The following DUSP16 variants were observed in gnomAD, a reference collection of about 807,000 sequenced individuals.
DUSP16 encodes the protein dual specificity phosphatase 16.
In DUSP16, 21 loss-of-function variants were observed where a neutral mutation model predicts 58.3. That is an observed-to-expected ratio of 0.36 (90% CI 0.26 to 0.52). The LOEUF (loss-of-function observed/expected upper bound fraction) is 0.52, where lower values mean the gene tolerates loss of function less well. Ranked by LOEUF, DUSP16 falls within the 20% of genes least tolerant of loss-of-function variation. DUSP16 has a pLI of 0.94. For synonymous variants in DUSP16, 320 were observed against 323.8 expected (o/e 0.99, Z 0.12); for missense variants, 726 against 819.0 (o/e 0.89, Z 1.39).
chr12:12,480,168 TTATG>T, intron 6 of DUSP16, 51 bp downstream of exon 6: 1 of 1,595,634 alleles, frequency 6.3e-7, no homozygotes. Context: ...TCATCATTCT[TTATG>T]TTTCAGGTCA....
chr12:12,507,118 TTTCTC>T (rs1357339042), intron 3 of DUSP16, among the ~76,000 whole-genome samples: 1 of 152,244 alleles, frequency 6.6e-6, no homozygotes, highest in Non-Finnish European at 1.5e-5. Context: ...TAGTCACTCT[TTTCTC>T]TTCCCTCTCA....
chr12:12,478,086 A>C (rs987150039), intron 6 of DUSP16, 71 bp from the exon 7 acceptor site: 8 of 1,284,468 alleles, frequency 6.2e-6, no homozygotes, highest in Non-Finnish European at 8.7e-6. Context: ...TTAAGTGAAT[A>C]AATGAGATAG....
At chr12:12,489,347 T>C (rs1943729572) in intron 4 of DUSP16, among the ~76,000 whole-genome samples, 1 of 152,206 alleles carries the variant, frequency 6.6e-6, no homozygotes, top group Admixed American at 6.5e-5. Flanking sequence ...ACATTTGTTT[T>C]TCTATGTGTG....
chr12:12,489,378 A>G lies in DUSP16; in HGVS notation c.532-2191T>C, dbSNP rs75570905. On this transcript the variant is annotated intron_variant, in intron 4 of 6. Transcript: ENST00000298573. The stretch of plus-strand genomic sequence containing the variant: ...GTGTGAACCCAAGGTGAGTTTATCT[A>G]GTACTATCTGATCAACAACAGGGTG... 1.1e-3 allele frequency among the ~76,000 whole-genome samples: 167 copies of G among 152,340 alleles called. 1 individual carries two copies. The highest frequency in any genetic ancestry group is 3.7e-3 in the African/African-American group (154 of 41,574).
intron 4 of DUSP16, among the ~76,000 whole-genome samples, chr12:12,495,837 C>G (rs1002860490): frequency 3.3e-5 from 5 of 152,220 alleles, no homozygotes; most frequent in Non-Finnish European, 5.9e-5. Flanking sequence ...TCAAGCCTTC[C>G]TCAAACGACA....
At chr12:12,507,655 G>T (rs1758639548) in intron 3 of DUSP16, among the ~76,000 whole-genome samples, 1 of 152,196 alleles carries the variant, frequency 6.6e-6, no homozygotes, top group South Asian at 2.1e-4. Flanking sequence ...TGTTGCCCAG[G>T]CTGGAGTGCA....
At chr12:12,498,613 C>T (rs1315309501) in intron 4 of DUSP16, among the ~76,000 whole-genome samples, 2 of 152,044 alleles carry the variant, frequency 1.3e-5, no homozygotes, top group East Asian at 1.9e-4. Context: ...CGGGGTTTTG[C>T]CACGTTGTCC....
intron 3 of DUSP16, among the ~76,000 whole-genome samples, chr12:12,518,404 T>C (rs781622283): frequency 3.3e-5 from 5 of 151,844 alleles, no homozygotes; most frequent in African/African-American, 4.8e-5. Flanking sequence ...TCCCAGCTAC[T>C]TGGGAGGCTG....
chr12:12,554,568 T>C (rs1419710438), intron 1 of DUSP16: 1 of 152,210 alleles, frequency 6.6e-6, no homozygotes, highest in Non-Finnish European at 1.5e-5. Context: ...TTCAAAAATT[T>C]ATCAATACTC....
chr12:12,555,180 A>T (rs1944789349), intron 1 of DUSP16, among the ~76,000 whole-genome samples: 2 of 152,232 alleles, frequency 1.3e-5, no homozygotes, highest in Non-Finnish European at 2.9e-5. Context: ...GTGACTGGAA[A>T]CAACCACCCA....
chr12:12,483,732 C>T (rs1465215291), intron 5 of DUSP16, among the ~76,000 whole-genome samples: 2 of 152,184 alleles, frequency 1.3e-5, no homozygotes. Context: ...ATGAGTATCC[C>T]ATAGCACAAA....
chr12:12,532,556 A>G (rs751973042), intron 1 of DUSP16, among the ~76,000 whole-genome samples: 1 of 152,216 alleles, frequency 6.6e-6, no homozygotes, highest in Non-Finnish European at 1.5e-5. Flanking sequence ...AAATATTAAT[A>G]TAAGGTCATG....
intron 3 of DUSP16, among the ~76,000 whole-genome samples, chr12:12,507,599 G>A (rs950181633): frequency 1.3e-5 from 2 of 149,630 alleles, no homozygotes; most frequent in African/African-American, 4.8e-5. Context: ...GAACTATGCG[G>A]TTAAATTCTT....
At chr12:12,548,410 C>T (rs1421463491) in intron 1 of DUSP16, among the ~76,000 whole-genome samples, 1 of 151,854 alleles carries the variant, frequency 6.6e-6, no homozygotes, top group African/African-American at 2.4e-5. Flanking sequence ...CCGAGGCAGG[C>T]GGCCTGAGGT....
intron 6 of DUSP16, 62 bp from the exon 7 acceptor site, chr12:12,478,077 T>A: frequency 7.5e-7 from 1 of 1,326,052 alleles, no homozygotes; most frequent in Non-Finnish European, 1.0e-6. Context: ...TTAAGAATAT[T>A]AAGTGAATAA....
intron 1 of DUSP16, among the ~76,000 whole-genome samples, chr12:12,528,041 A>G (rs1274975262): frequency 1.3e-5 from 2 of 152,220 alleles, no homozygotes; most frequent in Admixed American, 6.5e-5. Flanking sequence ...CAGGGCAAGG[A>G]GCACTCCCCT....
chr12:12,486,311 C>T (rs911215511), intron 5 of DUSP16, among the ~76,000 whole-genome samples: 9 of 152,142 alleles, frequency 5.9e-5, no homozygotes, highest in African/African-American at 1.2e-4. Flanking sequence ...TCCAAATACA[C>T]ATCACCAAGT....
intron 1 of DUSP16, among the ~76,000 whole-genome samples, chr12:12,532,115 G>A (rs1029779045): frequency 4.6e-5 from 7 of 152,146 alleles, no homozygotes; most frequent in Non-Finnish European, 7.4e-5. Flanking sequence ...CCGAGATTGC[G>A]CCACTGCAGT....
chr12:12,498,418 A>ATTTATTTC (rs1272954876), intron 4 of DUSP16, among the ~76,000 whole-genome samples: 3 of 150,612 alleles, frequency 2.0e-5, no homozygotes, highest in Non-Finnish European at 4.4e-5. Context: ...TTATTTATTT[A>ATTTATTTC]TTTATTTATT....
Sources: gnomAD v4.1 joint callset for allele counts (sites outside exome capture counted in the v4.1 genomes callset) on GRCh38, gnomAD v4.1.1 for gene constraint, MANE v1.5 for transcripts, NCBI Gene and HGNC (gene_info 2026-07-23, HGNC 2026-07-21) for gene names.